Variants in DCC observed in about 807,000 individuals in gnomAD.
DCC encodes the protein DCC netrin 1 receptor.
In DCC, 58 loss-of-function variants were observed where a neutral mutation model predicts 172.5. The ratio of observed to expected loss-of-function variants is 0.34; its 90% CI spans 0.27 to 0.42. The LOEUF is 0.42. DCC is among the 10% of genes least tolerant of loss of function. The probability of loss-of-function intolerance (pLI) is 1.00; values close to 1 mark genes in which losing one functional copy is unlikely to be tolerated. For missense variants in DCC, 1,740 were observed against 1,791.0 expected, an observed-to-expected ratio of 0.97 and a Z score of 0.51; for synonymous variants, 709 against 644.5, an observed-to-expected ratio of 1.10 and a Z score of -1.52.
intron 5 of DCC, among the ~76,000 whole-genome samples, chr18:52,926,833 A>G: frequency 9.3e-6 from 1 of 106,988 alleles, no homozygotes; most frequent in Admixed American, 1.1e-4. Flanking sequence ...ATACATATAC[A>G]TACACACACA....
intron 2 of DCC, among the ~76,000 whole-genome samples, chr18:52,776,079 T>C (rs1321328146): frequency 6.6e-6 from 1 of 152,238 alleles, no homozygotes; most frequent in African/African-American, 2.4e-5. Context: ...ATATTTCAAC[T>C]GGCTCACACT....
chr18:53,446,808 C>A (rs1164760286), intron 22 of DCC, among the ~76,000 whole-genome samples: 2 of 152,038 alleles, frequency 1.3e-5, no homozygotes, highest in Non-Finnish European at 2.9e-5. Flanking sequence ...TAAGAAAGTG[C>A]CCCTTTTTTG....
At chr18:53,499,277 C>A (rs745691976) in intron 26 of DCC, 21 bp from the exon 27 acceptor site, 3 of 1,613,120 alleles carry the variant, frequency 1.9e-6, no homozygotes, top group South Asian at 1.1e-5. Context: ...TAATGAATGA[C>A]TTTTCTTGTC....
At chr18:52,893,441 C>A (rs115885796) in intron 2 of DCC, among the ~76,000 whole-genome samples, 2,632 of 152,172 alleles carry the variant, frequency 0.017, 56 homozygotes, top group African/African-American at 0.046. Context: ...GATAGAAGAT[C>A]ATTTAATCCT....
intron 1 of DCC, among the ~76,000 whole-genome samples, chr18:52,452,604 G>A (rs983438841): frequency 6.6e-6 from 1 of 152,184 alleles, no homozygotes; most frequent in Non-Finnish European, 1.5e-5. Flanking sequence ...AACGTGAGCT[G>A]CCGTTGTTGC....
At chr18:53,112,030 G>C (rs1356155264) in intron 7 of DCC, among the ~76,000 whole-genome samples, 3 of 151,390 alleles carry the variant, frequency 2.0e-5, no homozygotes, top group African/African-American at 7.3e-5. Flanking sequence ...CTGTTTTCAC[G>C]ATTGCTTTTG....
chr18:52,857,046 C>A (rs6508171), intron 2 of DCC, among the ~76,000 whole-genome samples: 7,507 of 152,190 alleles, frequency 0.049, 636 homozygotes, highest in African/African-American at 0.17. Flanking sequence ...AGCTTTTCTG[C>A]TTCATAAGTA....
intron 12 of DCC, among the ~76,000 whole-genome samples, chr18:53,266,957 A>C (rs2144696358): frequency 6.6e-6 from 1 of 152,058 alleles, no homozygotes; most frequent in Non-Finnish European, 1.5e-5. Context: ...TTACATTTTT[A>C]CTATTATGAA....
intron 2 of DCC, among the ~76,000 whole-genome samples, chr18:52,873,954 A>C (rs1179584447): frequency 6.6e-6 from 1 of 152,188 alleles, no homozygotes; most frequent in Non-Finnish European, 1.5e-5. Context: ...TTGATCTAAA[A>C]TTACTTTCCT....
chr18:52,548,775 C>G (rs1157401455), intron 1 of DCC, among the ~76,000 whole-genome samples: 1 of 152,064 alleles, frequency 6.6e-6, no homozygotes, highest in Admixed American at 6.6e-5. Context: ...GTCTCAAATT[C>G]TGGAGAAATT....
chr18:53,346,382 C>T (rs1281610201), intron 15 of DCC, among the ~76,000 whole-genome samples: 2 of 152,120 alleles, frequency 1.3e-5, no homozygotes, highest in African/African-American at 2.4e-5. Context: ...CCACTATTCA[C>T]CACATTCCCT....
chr18:53,415,015 C>T (rs1910221889), intron 20 of DCC, among the ~76,000 whole-genome samples: 1 of 152,140 alleles, frequency 6.6e-6, no homozygotes, highest in South Asian at 2.1e-4. Flanking sequence ...AAACCCTGTT[C>T]ATCTGAAAGG....
In DCC at chr18:52,428,942, T is replaced by G. The variant is rs76612367; in HGVS notation, c.91+88064T>G. Among the ~76,000 whole-genome samples the G allele has an allele frequency of 1.8e-3, 281 of 152,158 alleles. 6 individuals are homozygous for G. In the East Asian group the frequency reaches 0.045, roughly 24 times the overall value. The stretch of plus-strand genomic sequence containing the variant: ...CTTTAAAATACCCAGCGGCTGAACT[T>G]CTCATGTTGCAGAACAGAAAAATAT... On this transcript the variant is annotated intron_variant, in intron 1 of 28. Coordinates refer to ENST00000442544, the MANE Select transcript of DCC (RefSeq NM_005215.4).
intron 7 of DCC, among the ~76,000 whole-genome samples, chr18:53,099,072 C>T (rs150357225): frequency 1.1e-4 from 16 of 152,108 alleles, no homozygotes; most frequent in East Asian, 9.7e-4. Context: ...TGCAGAATAA[C>T]GGCCTATTCC....
At chr18:53,361,598 CTG>C (rs1481003854) in intron 15 of DCC, among the ~76,000 whole-genome samples, 1 of 152,152 alleles carries the variant, frequency 6.6e-6, no homozygotes, top group African/African-American at 2.4e-5. Flanking sequence ...TCCGAAAGAA[CTG>C]TGTCAGTCAA....
chr18:53,380,518 T>C (rs938439518), intron 15 of DCC, among the ~76,000 whole-genome samples: 4 of 152,182 alleles, frequency 2.6e-5, no homozygotes, highest in Non-Finnish European at 4.4e-5. Flanking sequence ...AACAAAATCC[T>C]ATTGTTTCCT....
intron 2 of DCC, among the ~76,000 whole-genome samples, chr18:52,791,345 C>A (rs190874774): frequency 1.4e-3 from 217 of 152,222 alleles, no homozygotes; most frequent in African/African-American, 4.5e-3. Context: ...GGAGTGCATG[C>A]TGAAGATGAT....
intron 1 of DCC, among the ~76,000 whole-genome samples, chr18:52,408,843 T>A (rs1197334430): frequency 2.0e-5 from 3 of 152,146 alleles, no homozygotes; most frequent in Non-Finnish European, 4.4e-5. Context: ...ATCTTTTCAC[T>A]GGAAACTTCT....
At chr18:53,272,208 A>G (rs905995824) in intron 12 of DCC, among the ~76,000 whole-genome samples, 1 of 152,172 alleles carries the variant, frequency 6.6e-6, no homozygotes, top group Non-Finnish European at 1.5e-5. Context: ...AGTTAATCAG[A>G]TGGAGTATTG....
Sources: gnomAD v4.1 joint callset for allele counts (sites outside exome capture counted in the v4.1 genomes callset) on GRCh38, gnomAD v4.1.1 for gene constraint, MANE v1.5 for transcripts, NCBI Gene and HGNC (gene_info 2026-07-23, HGNC 2026-07-21) for gene names.